VAT1L: variants seen among roughly 807,000 people sequenced by gnomAD.
The protein encoded by VAT1L is putative NADPH-dependent quinone oxidoreductase VAT1L.
A neutral mutation model predicts 44.1 loss-of-function variants in VAT1L; 34 were observed. The observed-to-expected ratio is 0.77, with a 90% confidence interval of 0.59 to 1.03. VAT1L has a LOEUF of 1.03. VAT1L is among the 50% of genes least tolerant of loss of function. The probability of loss-of-function intolerance (pLI) is 0.00; values close to 1 mark genes in which losing one functional copy is unlikely to be tolerated. For missense variants in VAT1L, 615 were observed against 538.8 expected (o/e 1.14, Z -1.40); for synonymous variants, 253 against 202.2 (o/e 1.25, Z -2.13).
At chr16:77,889,816 G>A (rs1211744036) in intron 7 of VAT1L, among the ~76,000 whole-genome samples, 1 of 152,258 alleles carries the variant, frequency 6.6e-6, no homozygotes, top group Non-Finnish European at 1.5e-5. Context: ...GCCAGGCGCA[G>A]TGGCTTATGC....
intron 7 of VAT1L, among the ~76,000 whole-genome samples, chr16:77,936,901 T>TGTTG (rs57719199): frequency 4.7e-5 from 7 of 148,758 alleles, no homozygotes; most frequent in South Asian, 2.1e-4. Context: ...TTTGTTTGTT[T>TGTTG]TTGAGACGGA....
chr16:77,966,697 A>G (rs2018226200), intron 7 of VAT1L, among the ~76,000 whole-genome samples: 1 of 152,190 alleles, frequency 6.6e-6, no homozygotes, highest in South Asian at 2.1e-4. Context: ...TTGTTATTTC[A>G]ACATGTAATA....
At chr16:77,950,237 C>A (rs1329808041) in intron 7 of VAT1L, among the ~76,000 whole-genome samples, 2 of 152,054 alleles carry the variant, frequency 1.3e-5, no homozygotes, top group Non-Finnish European at 2.9e-5. Context: ...GGGGAAACCC[C>A]ATCTCTACTA....
At chr16:77,938,709 C>T (rs1192689280) in intron 7 of VAT1L, among the ~76,000 whole-genome samples, 5 of 152,166 alleles carry the variant, frequency 3.3e-5, no homozygotes, top group Admixed American at 3.3e-4. Context: ...GCTTCCTGTA[C>T]AGGCTGCGGA....
chr16:77,901,216 T>C (rs551936741), intron 7 of VAT1L, among the ~76,000 whole-genome samples: 1 of 135,086 alleles, frequency 7.4e-6, no homozygotes, highest in South Asian at 2.5e-4. Flanking sequence ...CAGGCTGGAG[T>C]GCAGTGGCGA....
chr16:77,802,615 A>AC (rs2016080153), intron 1 of VAT1L, among the ~76,000 whole-genome samples: 1 of 111,972 alleles, frequency 8.9e-6, no homozygotes, highest in Non-Finnish European at 1.9e-5. Context: ...CCCCATCTCA[A>AC]ACACACACAC....
chr16:77,794,604 G>C (rs2015894995), intron 1 of VAT1L, among the ~76,000 whole-genome samples: 1 of 152,220 alleles, frequency 6.6e-6, no homozygotes, highest in African/African-American at 2.4e-5. Context: ...TGGCCAACAT[G>C]ATATTCCCTG....
At chr16:77,888,129 AG>A (rs1374847139) in intron 7 of VAT1L, among the ~76,000 whole-genome samples, 1 of 152,192 alleles carries the variant, frequency 6.6e-6, no homozygotes, top group Non-Finnish European at 1.5e-5. Context: ...TGTACAGAGA[AG>A]CCTTCCCCAG....
intron 1 of VAT1L, among the ~76,000 whole-genome samples, chr16:77,789,949 A>T (rs1162047523): frequency 6.6e-6 from 1 of 152,124 alleles, no homozygotes; most frequent in East Asian, 1.9e-4. Flanking sequence ...TTGTAAGGGG[A>T]ACTTGCTATT....
intron 7 of VAT1L, among the ~76,000 whole-genome samples, chr16:77,939,378 G>A (rs993542177): frequency 1.3e-5 from 2 of 152,158 alleles, no homozygotes; most frequent in Non-Finnish European, 2.9e-5. Flanking sequence ...TCAAACCAGT[G>A]GGGGGCCGGA....
At chr16:77,827,428 G>A (rs1037953368) in intron 3 of VAT1L, among the ~76,000 whole-genome samples, 2 of 152,184 alleles carry the variant, frequency 1.3e-5, no homozygotes, top group African/African-American at 4.8e-5. Flanking sequence ...TGTGTCAGGG[G>A]CATGTGTCTT....
At chr16:77,882,353 T>A (rs1379692180) in intron 6 of VAT1L, 1 of 152,252 alleles carries the variant, frequency 6.6e-6, no homozygotes, top group East Asian at 1.9e-4. Flanking sequence ...ATAACGATGA[T>A]GATACTAATA....
chr16:77,816,825 A>G (rs1446207920), intron 1 of VAT1L, 96 bp from the exon 2 acceptor site: 1 of 1,414,082 alleles, frequency 7.1e-7, no homozygotes, highest in Non-Finnish European at 9.4e-7. Flanking sequence ...GGGAGGGAGG[A>G]AAGGAGGAAA....
At chr16:77,898,211 C>A (rs1382857817) in intron 7 of VAT1L, among the ~76,000 whole-genome samples, 1 of 152,130 alleles carries the variant, frequency 6.6e-6, no homozygotes, top group African/African-American at 2.4e-5. Flanking sequence ...TAGGGCCCAC[C>A]CTACTTCAGT....
At chr16:77,961,258 G>A (rs1597122556) in intron 7 of VAT1L, among the ~76,000 whole-genome samples, 1 of 151,998 alleles carries the variant, frequency 6.6e-6, no homozygotes, top group African/African-American at 2.4e-5. Flanking sequence ...TCACCAAGGG[G>A]GCTTCTCCTT....
Position 77,879,273 on chromosome 16 carries a change from A to C in VAT1L, c.882+49A>C, listed in dbSNP as rs762567039. The C allele has an allele frequency of 6.4e-7, 1 of 1,573,456 alleles. No individual in the cohort carries two copies. Among genetic ancestry groups the C allele is most frequent in the African/African-American group, 1.4e-5 (1 of 73,974 alleles). On this transcript the variant is annotated intron_variant, in intron 6 of 8. Transcript: ENST00000302536. This position sits in a 1 kb window ranked among gnomAD's most constrained non-coding sequence, Gnocchi z 4.1. ...GTACTGTGGTGGCATGTTGATTCAC[A>C]TGTTGAGAGCTTTGTTTTTGTTTGT...
chr16:77,893,828 G>A (rs1302058914), intron 7 of VAT1L, among the ~76,000 whole-genome samples: 1 of 152,154 alleles, frequency 6.6e-6, no homozygotes, highest in African/African-American at 2.4e-5. Flanking sequence ...CTGATGTATA[G>A]AAGTTTTTGG....
intron 1 of VAT1L, among the ~76,000 whole-genome samples, chr16:77,799,504 GGTGTGTGTGTGTGTGTGTGT>G (rs10525414): frequency 0.27 from 38,342 of 140,892 alleles, 5,667 homozygotes; most frequent in South Asian, 0.43. Flanking sequence ...TGGAATACAT[GGTGTGTGTGTGTGTGTGTGT>G]GTGTGTGTGT....
intron 7 of VAT1L, among the ~76,000 whole-genome samples, chr16:77,891,467 C>G (rs2017265344): frequency 1.3e-5 from 2 of 152,184 alleles, no homozygotes; most frequent in Non-Finnish European, 2.9e-5. Context: ...TCTGTTGAAG[C>G]TGGTCTATGA....
Sources: gnomAD v4.1 joint callset for allele counts (sites outside exome capture counted in the v4.1 genomes callset) on GRCh38, gnomAD v4.1.1 for gene constraint, Gnocchi (gnomAD v3.1) non-coding constraint, MANE v1.5 for transcripts, NCBI Gene and HGNC (gene_info 2026-07-23, HGNC 2026-07-21) for gene names.